The following PARD3 variants were observed in gnomAD, a reference collection of about 807,000 sequenced individuals.
PARD3 encodes the protein par-3 family cell polarity regulator.
A neutral mutation model predicts 155.4 loss-of-function variants in PARD3; 75 were observed. The observed-to-expected ratio is 0.48, with a 90% CI of 0.40 to 0.58. The LOEUF is 0.58. Among genes scored for constraint, PARD3 ranks in the 20% least tolerant of loss-of-function variants. The pLI is 0.00. For synonymous variants in PARD3, 576 were observed against 610.5 expected, an observed-to-expected ratio of 0.94 and a Z score of 0.83; for missense variants, 1,642 against 1,721.7, an observed-to-expected ratio of 0.95 and a Z score of 0.82.
At chr10:34,630,331 G>A (rs1330680918) in intron 2 of PARD3, among the ~76,000 whole-genome samples, 3 of 152,152 alleles carry the variant, frequency 2.0e-5, no homozygotes, top group Non-Finnish European at 2.9e-5. Context: ...GACTCCTCCT[G>A]CAGGAATGCA....
intron 1 of PARD3, among the ~76,000 whole-genome samples, chr10:34,719,328 G>A (rs998297751): frequency 6.6e-6 from 1 of 152,114 alleles, no homozygotes; most frequent in African/African-American, 2.4e-5. Flanking sequence ...CATTTCAAAA[G>A]GCCCCAAATA....
At chr10:34,331,588 T>C (rs1021987488) in intron 18 of PARD3, among the ~76,000 whole-genome samples, 12 of 152,190 alleles carry the variant, frequency 7.9e-5, no homozygotes, top group African/African-American at 2.9e-4. Context: ...CATTACTTTT[T>C]AAAAAAAATT....
chr10:34,358,654 CT>C (rs2134480709), intron 14 of PARD3, among the ~76,000 whole-genome samples: 1 of 152,298 alleles, frequency 6.6e-6, no homozygotes, highest in Admixed American at 6.5e-5. Context: ...GACCACAACA[CT>C]GAACTCCAGC....
chr10:34,319,729 G>GCT (rs1228109643), intron 19 of PARD3, among the ~76,000 whole-genome samples: 1 of 152,160 alleles, frequency 6.6e-6, no homozygotes, highest in Non-Finnish European at 1.5e-5. Context: ...TGTAAACATA[G>GCT]CTCAAGCAGG....
At chr10:34,191,789 T>C (rs1400848806) in intron 22 of PARD3, among the ~76,000 whole-genome samples, 2 of 152,274 alleles carry the variant, frequency 1.3e-5, no homozygotes, top group East Asian at 1.9e-4. Flanking sequence ...AGTCTCAGCG[T>C]CATTTTCTAA....
chr10:34,313,047 C>G (rs149496834), intron 20 of PARD3, among the ~76,000 whole-genome samples: 1 of 152,252 alleles, frequency 6.6e-6, no homozygotes, highest in South Asian at 2.1e-4. Flanking sequence ...CCTTTAAAAA[C>G]GAACACATTT....
chr10:34,786,387 G>A (rs1840968089), intron 1 of PARD3, among the ~76,000 whole-genome samples: 1 of 152,162 alleles, frequency 6.6e-6, no homozygotes, highest in African/African-American at 2.4e-5. Flanking sequence ...AGATGATGAA[G>A]GAATAGCCCA....
intron 2 of PARD3, among the ~76,000 whole-genome samples, chr10:34,577,782 G>A (rs908106219): frequency 6.6e-6 from 1 of 152,112 alleles, no homozygotes; most frequent in Non-Finnish European, 1.5e-5. Flanking sequence ...TAAATTTTAA[G>A]ATGAGGGCTT....
At chr10:34,583,305 T>G (rs1215335476) in intron 2 of PARD3, among the ~76,000 whole-genome samples, 2 of 152,170 alleles carry the variant, frequency 1.3e-5, no homozygotes, top group Non-Finnish European at 2.9e-5. Flanking sequence ...AACAAAGTTG[T>G]CCTTAAAAAT....
chr10:34,617,594 T>C (rs1297272096), intron 2 of PARD3, among the ~76,000 whole-genome samples: 3 of 152,238 alleles, frequency 2.0e-5, no homozygotes, highest in Non-Finnish European at 2.9e-5. Context: ...TAAATATGTA[T>C]AATTTTTGTC....
intron 22 of PARD3, among the ~76,000 whole-genome samples, chr10:34,249,601 A>C (rs1383336511): frequency 1.3e-5 from 2 of 152,166 alleles, no homozygotes; most frequent in Non-Finnish European, 2.9e-5. Context: ...TCCCCCAAAA[A>C]ACTAAGATAT....
intron 1 of PARD3, among the ~76,000 whole-genome samples, chr10:34,734,694 GT>G (rs891114096): frequency 1.8e-4 from 28 of 151,958 alleles, no homozygotes; most frequent in African/African-American, 6.8e-4. Context: ...AAGAAATTAG[GT>G]CCCTACCTTA....
intron 22 of PARD3, among the ~76,000 whole-genome samples, chr10:34,253,034 A>G (rs921239581): frequency 8.5e-5 from 13 of 152,238 alleles, no homozygotes; most frequent in Admixed American, 3.3e-4. Flanking sequence ...AAAGCTGGAA[A>G]TCTTATTAAA....
At chr10:34,801,454 G>C (rs1013266956) in intron 1 of PARD3, among the ~76,000 whole-genome samples, 2 of 152,124 alleles carry the variant, frequency 1.3e-5, no homozygotes, top group African/African-American at 4.8e-5. Flanking sequence ...TGAAAAAGAC[G>C]GATGAGAGGA....
intron 7 of PARD3, among the ~76,000 whole-genome samples, chr10:34,388,339 G>C (rs957668383): frequency 6.6e-6 from 1 of 152,004 alleles, no homozygotes; most frequent in Admixed American, 6.5e-5. Context: ...AAAGGAATGG[G>C]AATGAACTAT....
intron 20 of PARD3, among the ~76,000 whole-genome samples, chr10:34,297,559 C>T (rs1422547449): frequency 1.3e-5 from 2 of 152,212 alleles, no homozygotes; most frequent in Admixed American, 6.5e-5. Context: ...TTCCAGGTAG[C>T]TACTCTAGTC....
intron 5 of PARD3, among the ~76,000 whole-genome samples, chr10:34,413,246 T>C (rs1222238388): frequency 6.6e-6 from 1 of 152,074 alleles, no homozygotes; most frequent in Non-Finnish European, 1.5e-5. Context: ...ACGGTAGGTA[T>C]ATTTTTAAAA....
chr10:34,163,421 G>C (rs1949377671), intron 22 of PARD3, among the ~76,000 whole-genome samples: 1 of 152,182 alleles, frequency 6.6e-6, no homozygotes, highest in African/African-American at 2.4e-5. Context: ...GAGATGAAAA[G>C]ATAGCACAGG....
intron 22 of PARD3, among the ~76,000 whole-genome samples, chr10:34,257,988 A>G (rs1409794364): frequency 6.6e-6 from 1 of 152,236 alleles, no homozygotes; most frequent in African/African-American, 2.4e-5. Context: ...TGCAAAATGT[A>G]TAACACCAAA....
Sources: gnomAD v4.1 joint callset for allele counts (sites outside exome capture counted in the v4.1 genomes callset) on GRCh38, gnomAD v4.1.1 for gene constraint, MANE v1.5 for transcripts, NCBI Gene and HGNC (gene_info 2026-07-23, HGNC 2026-07-21) for gene names.